ZNF648: variants seen among roughly 807,000 people sequenced by gnomAD.
The protein encoded by ZNF648 is zinc finger protein 648.
ZNF648 carries 1 observed loss-of-function variant against 0.3 expected under a neutral mutation model. The ratio of observed to expected loss-of-function variants is 3.90; its 90% CI spans 1.39 to 18.51. ZNF648 has a LOEUF of 18.51. Ranked by LOEUF, ZNF648 falls within the 30% of genes most tolerant of loss-of-function variation. The pLI is 0.11. For synonymous variants in ZNF648, 376 were observed against 326.8 expected, an observed-to-expected ratio of 1.15 and a Z score of -1.62; for missense variants, 874 against 769.7, an observed-to-expected ratio of 1.14 and a Z score of -1.60.
rs945755055 is a variant in ZNF648 at position 182,055,269 on chromosome 1, C to T, written c.*1035G>A. On this transcript the variant is annotated 3_prime_UTR_variant, in exon 2 of 2. Transcript: ENST00000339948. The surrounding 1 kb of genome is among the most constrained non-coding windows in gnomAD (Gnocchi z 4.1). Reference sequence around the variant, plus strand: ...AACTGTGAGCACGTAGGCTTCCATACCTGGTTTTAATGATTTTGAAATGCA... The same window carrying T: ...AACTGTGAGCACGTAGGCTTCCATATCTGGTTTTAATGATTTTGAAATGCA... The T allele has an allele frequency of 6.6e-6, 1 of 152,140 alleles. No individual in the cohort carries two copies. Among genetic ancestry groups the T allele is most frequent in the African/African-American group, 2.4e-5 (1 of 41,412 alleles). 9.4% of individuals were successfully genotyped at this position (152,140 alleles called of 1,614,324 possible).
chr1:182,056,649 G>A lies in ZNF648; in HGVS notation c.1362C>T (p.Gly454=). 1 of 1,607,812 alleles carries A rather than the reference G, an allele frequency of 6.2e-7. No individual in the cohort carries two copies. The highest frequency in any genetic ancestry group is 8.5e-7 in the Non-Finnish European group (1 of 1,177,078). Reference sequence around the variant, plus strand: ...GGCGCGAGGGCTGCGCGAAGGCCACGCCGCAGTCAGCGCACTTGAAAGGCC... The same window carrying A: ...GGCGCGAGGGCTGCGCGAAGGCCACACCGCAGTCAGCGCACTTGAAAGGCC... ...GQRPFKCADC[G]VAFAQPSRLV... Residue 454 remains glycine, a synonymous_variant, in exon 2 of 2, where the codon GGC becomes GGT. Coordinates refer to ENST00000339948, the MANE Select transcript of ZNF648 (RefSeq NM_001009992.1).
At position 182,056,761 on chromosome 1, in the gene ZNF648, TC is replaced by T; in HGVS notation, c.1249del (p.Glu417SerfsTer75). ...GCAGGTGGGGCAGGGGAAGGGCCGC[TC>T]GCCCGAGTGCACGCGCTGGTGCTCC... ...MVEHQRVHSG[E>X]RPFPCPTCGK... On this transcript the variant is annotated frameshift_variant, in exon 2 of 2. Coordinates refer to ENST00000339948, the MANE Select transcript of ZNF648 (RefSeq NM_001009992.1). LOFTEE classifies it low-confidence loss of function (END_TRUNC). The T allele has an allele frequency of 6.4e-7, 1 of 1,566,102 alleles. No homozygotes were observed. The highest frequency in any genetic ancestry group is 8.7e-7 in the Non-Finnish European group (1 of 1,155,658).
upstream of ZNF648, among the ~76,000 whole-genome samples, chr1:182,066,049 G>A (rs1666093273): frequency 6.6e-6 from 1 of 152,194 alleles, no homozygotes; most frequent in Admixed American, 6.5e-5. Context: ...ATTCTGCCCA[G>A]TTCCTTAAGC....
At position 182,057,535 on chromosome 1, in the gene ZNF648, G is replaced by C; in HGVS notation, c.476C>G (p.Ala159Gly). ...GAAGCTGGGTGGGACATCCAAGACT[G>C]CGTCCTGGTTTGCCCCCGAGTATCC... ...DDGYSGANQD[A>G]VLDVPPSFPS... The change falls in exon 2 of 2, where the codon GCA (alanine) becomes GGA (glycine). Residue 159 changes from alanine (A) to glycine (G), a missense_variant. Ala to Gly is a moderately conservative substitution (Grantham distance 60). Coordinates refer to ENST00000339948, the MANE Select transcript of ZNF648 (RefSeq NM_001009992.1). The C allele has an allele frequency of 6.2e-7, 1 of 1,614,234 alleles. No individual in the cohort carries two copies. Among genetic ancestry groups the C allele is most frequent in the Non-Finnish European group, 8.5e-7 (1 of 1,180,048 alleles).
chr1:182,067,042 C>T, the ZNF648 span, among the ~76,000 whole-genome samples: 8 of 152,264 alleles, frequency 5.3e-5, no homozygotes, highest in East Asian at 1.9e-4. Flanking sequence ...GGTCTGTCAT[C>T]GCGTGCTACA....
At chr1:182,068,803 T>G in the ZNF648 span, among the ~76,000 whole-genome samples, 6 of 151,154 alleles carry the variant, frequency 4.0e-5, no homozygotes, top group African/African-American at 1.5e-4. Flanking sequence ...CACACACCTG[T>G]GGTCCCAGCT....
rs1356595632 is a variant in ZNF648 at position 182,057,443 on chromosome 1, A to G, written c.568T>C (p.Leu190=). 1 of 1,614,198 alleles carries G rather than the reference A, an allele frequency of 6.2e-7. No homozygotes were observed. The highest frequency in any genetic ancestry group is 1.7e-5 in the Admixed American group (1 of 60,028). ...VDTSAGNSSL[L]CFPRPGSNWD... Reference sequence around the variant, plus strand: ...TTGCTCCCCGGCCTGGGGAAACACAACAGAGAAGAGTTCCCTGCGGACGTG... The same window carrying G: ...TTGCTCCCCGGCCTGGGGAAACACAGCAGAGAAGAGTTCCCTGCGGACGTG... The change falls in exon 2 of 2, where the codon TTG becomes CTG. Residue 190 remains leucine (L), a synonymous_variant. Transcript: ENST00000339948.
intron 1 of ZNF648, among the ~76,000 whole-genome samples, chr1:182,059,828 T>C (rs1355038214): frequency 6.6e-6 from 1 of 150,550 alleles, no homozygotes; most frequent in Non-Finnish European, 1.5e-5. Flanking sequence ...AGATAGATGC[T>C]ATTATTACTA....
At position 182,057,046 on chromosome 1, in the gene ZNF648, T is replaced by C. The variant is rs1349463030; in HGVS notation, c.965A>G (p.His322Arg). ...TGTGTGGGTGCGGATGTGCTTCCGG[T>C]GGTCGGAGGACCAGGTGTAGGCCTT... is the stretch of plus-strand genomic sequence containing the variant. ...CDKAYTWSSD[H>R]RKHIRTHTGE... is the part of the protein sequence containing the mutation. Residue 322 changes from histidine (H) to arginine (R), a missense_variant, in exon 2 of 2, where the codon CAC becomes CGC. Physicochemically the swap from His to Arg is conservative, Grantham distance 29. Transcript: ENST00000339948. 6.2e-7 allele frequency: 1 copy of C among 1,609,582 alleles called. No individual in the cohort carries two copies. The highest frequency in any genetic ancestry group is 1.4e-5 in the African/African-American group (1 of 73,682).
At position 182,056,151 on chromosome 1, in the gene ZNF648, T is replaced by A. The variant is rs535064544; in HGVS notation, c.*153A>T. The A allele has an allele frequency of 4.6e-6, 5 of 1,086,192 alleles. No homozygotes were observed. In the East Asian group the frequency reaches 1.3e-4, roughly 28 times the overall value. 67.3% of individuals were successfully genotyped at this position (1,086,192 alleles called of 1,614,324 possible). A position where few individuals can be genotyped will look rare whatever the true frequency, so the allele number is the denominator to read the frequency against. ...ACCCACCTGGGTGCTCTCTCGGTGG[T>A]GACTTTCTGTTCAAGGGATCAAATA... On this transcript the variant is annotated 3_prime_UTR_variant, in exon 2 of 2. Transcript: ENST00000339948.
chr1:182,063,106 T>C (rs894261374), upstream of ZNF648: 4 of 152,250 alleles, frequency 2.6e-5, no homozygotes, highest in Non-Finnish European at 5.9e-5. Context: ...CAGTCTATCA[T>C]TGATGGGCAT....
rs1368041775 is a variant in ZNF648 at position 182,056,223 on chromosome 1, G to A, written c.*81C>T. On this transcript the variant is annotated 3_prime_UTR_variant, in exon 2 of 2. Coordinates refer to ENST00000339948, the MANE Select transcript of ZNF648 (RefSeq NM_001009992.1). ...TGACCCGCGACCTGCTGGGAGGCGAGGCTGACCAGTGAGGCTGGCAATACC... is the reference window on the plus strand; with the variant it reads ...TGACCCGCGACCTGCTGGGAGGCGAAGCTGACCAGTGAGGCTGGCAATACC... 29 of 1,515,538 alleles carry A rather than the reference G, an allele frequency of 1.9e-5. No homozygotes were observed. The highest frequency in any genetic ancestry group is 2.5e-5 in the Non-Finnish European group (28 of 1,131,558). The allele number at this position is 1,515,538 out of a possible 1,614,324, so 93.9% of individuals were successfully genotyped here.
chr1:182,058,164 G>A (rs1665973208), intron 1 of ZNF648, 91 bp from the exon 2 acceptor site: 4 of 865,518 alleles, frequency 4.6e-6, no homozygotes, highest in African/African-American at 3.4e-5. Context: ...CTATAGCTCT[G>A]TTTCCAACTG....
At chr1:182,065,499 A>G (rs1440111471), upstream of ZNF648, among the ~76,000 whole-genome samples, 1 of 152,178 alleles carries the variant, frequency 6.6e-6, no homozygotes. Flanking sequence ...CCGAGTAATT[A>G]GCAGACACCT....
Position 182,057,162 on chromosome 1 carries a change from T to G in ZNF648, c.849A>C (p.Leu283=). 6.3e-7 allele frequency: 1 copy of G among 1,597,656 alleles called. No homozygotes were observed. The highest frequency in any genetic ancestry group is 8.5e-7 in the Non-Finnish European group (1 of 1,176,954). Reference sequence around the variant, plus strand: ...CGCGGTGGGAGTAGGCCTTCCCGCATAGCTCGCACGCGTAGCGCTTGGCGG... The same window carrying G: ...CGCGGTGGGAGTAGGCCTTCCCGCAGAGCTCGCACGCGTAGCGCTTGGCGG... ...GGAAKRYACE[L]CGKAYSHRGT... Residue 283 remains leucine, a synonymous_variant, in exon 2 of 2, where the codon CTA becomes CTC. Transcript: ENST00000339948.
At chr1:182,062,816 A>C (rs1666048356), upstream of ZNF648, 1 of 152,126 alleles carries the variant, frequency 6.6e-6, no homozygotes, top group African/African-American at 2.4e-5. Context: ...CCTAGGTATT[A>C]AGCCCGGCAT....
At position 182,056,472 on chromosome 1, in the gene ZNF648, G is replaced by T; in HGVS notation, c.1539C>A (p.Phe513Leu). 1 of 1,613,984 alleles carries T rather than the reference G, an allele frequency of 6.2e-7. No homozygotes were observed. Among genetic ancestry groups the T allele is most frequent in the East Asian group, 2.2e-5 (1 of 44,872 alleles). Residue 513 changes from phenylalanine (F) to leucine (L), a missense_variant, in exon 2 of 2, where the codon TTC (phenylalanine) becomes TTA (leucine). Coordinates refer to ENST00000339948, the MANE Select transcript of ZNF648 (RefSeq NM_001009992.1). ...GFLCAECGRA[F>L]RIASELAQHI... ...GCTGGGCCAACTCAGAGGCAATGCG[G>T]AAGGCCCTGCCGCACTCGGCACAGA...
chr1:182,069,148 TG>T, the ZNF648 span: 2 of 152,104 alleles, frequency 1.3e-5, no homozygotes, highest in African/African-American at 2.4e-5. Flanking sequence ...TTTGGCTCCC[TG>T]GAACATTGCC....
chr1:182,066,175 G>A (rs757039716), upstream of ZNF648, among the ~76,000 whole-genome samples: 8 of 152,324 alleles, frequency 5.3e-5, no homozygotes, highest in South Asian at 2.1e-4. Context: ...GGGTCTGCCC[G>A]CCTGTCTGGG....
Sources: allele counts gnomAD v4.1 joint callset (sites outside exome capture counted in the v4.1 genomes callset), GRCh38; gene constraint gnomAD v4.1.1; non-coding constraint Gnocchi (gnomAD v3.1); transcripts MANE v1.5; gene names NCBI Gene and HGNC (gene_info 2026-07-23, HGNC 2026-07-21).